PRKCE: variants seen among roughly 807,000 people sequenced by gnomAD.
PRKCE encodes protein kinase C epsilon.
In PRKCE, 16 loss-of-function variants were observed where a neutral mutation model predicts 85.4. The ratio of observed to expected loss-of-function variants is 0.19; its 90% CI spans 0.13 to 0.28. The LOEUF (loss-of-function observed/expected upper bound fraction) is 0.28. Ranked by LOEUF, PRKCE falls within the 10% of genes least tolerant of loss-of-function variation. PRKCE has a pLI of 1.00. For missense variants in PRKCE, 573 were observed against 975.2 expected (o/e 0.59, Z 5.49); for synonymous variants, 388 against 371.5 (o/e 1.04, Z -0.51).
intron 2 of PRKCE, among the ~76,000 whole-genome samples, chr2:45,919,265 A>T (rs1174605721): frequency 6.6e-6 from 1 of 152,124 alleles, no homozygotes; most frequent in Non-Finnish European, 1.5e-5. Context: ...GTGAGTGAGG[A>T]TCACTGTGGA....
At chr2:45,996,308 A>G (rs1704212929) in intron 6 of PRKCE, among the ~76,000 whole-genome samples, 1 of 152,132 alleles carries the variant, frequency 6.6e-6, no homozygotes, top group Admixed American at 6.5e-5. Flanking sequence ...AAACAAAGAT[A>G]GTTTTATAGT....
At chr2:46,168,978 G>T (rs1368520559) in intron 14 of PRKCE, among the ~76,000 whole-genome samples, 1 of 152,194 alleles carries the variant, frequency 6.6e-6, no homozygotes, top group South Asian at 2.1e-4. Flanking sequence ...TCAGAGCCTG[G>T]TTCGTGTGTA....
intron 2 of PRKCE, among the ~76,000 whole-genome samples, chr2:45,965,357 G>A (rs1229150395): frequency 1.3e-5 from 2 of 152,152 alleles, no homozygotes; most frequent in South Asian, 2.1e-4. Flanking sequence ...TAAAAGGCAC[G>A]GCTGCTTTGA....
chr2:46,174,117 C>A (rs886347823), intron 14 of PRKCE, among the ~76,000 whole-genome samples: 2 of 152,204 alleles, frequency 1.3e-5, no homozygotes, highest in Non-Finnish European at 1.5e-5. Context: ...AAGCAACTTT[C>A]CCTCAGAAGT....
intron 1 of PRKCE, among the ~76,000 whole-genome samples, chr2:45,749,285 A>G (rs1020130200): frequency 3.3e-5 from 5 of 152,230 alleles, no homozygotes. Flanking sequence ...AGGCAGAGCA[A>G]AACCTATTTA....
intron 13 of PRKCE, among the ~76,000 whole-genome samples, chr2:46,151,476 T>C (rs540522758): frequency 9.8e-5 from 15 of 152,312 alleles, no homozygotes; most frequent in Admixed American, 8.5e-4. Context: ...CTTGCTCTTC[T>C]GGTGGGAAGA....
At chr2:45,745,482 C>G (rs1239129275) in intron 1 of PRKCE, among the ~76,000 whole-genome samples, 1 of 152,176 alleles carries the variant, frequency 6.6e-6, no homozygotes, top group East Asian at 1.9e-4. Context: ...CTTGGGAGAC[C>G]TGATCTCTAC....
chr2:45,935,124 G>A (rs2104110838), intron 2 of PRKCE, among the ~76,000 whole-genome samples: 1 of 151,978 alleles, frequency 6.6e-6, no homozygotes, highest in Middle Eastern at 3.4e-3. Flanking sequence ...CATAGATAAT[G>A]TTTGTCTGTA....
At chr2:45,662,358 A>G (rs544106972) in intron 1 of PRKCE, among the ~76,000 whole-genome samples, 1 of 152,310 alleles carries the variant, frequency 6.6e-6, no homozygotes, top group South Asian at 2.1e-4. Context: ...TAAAATTACA[A>G]CCGAGAAGCA....
chr2:45,698,494 C>T (rs1678341279), intron 1 of PRKCE, among the ~76,000 whole-genome samples: 1 of 151,718 alleles, frequency 6.6e-6, no homozygotes, highest in Non-Finnish European at 1.5e-5. Flanking sequence ...TGATGTGGAG[C>T]TCCAGTAAAC....
At chr2:45,928,281 T>A (rs1698778349) in intron 2 of PRKCE, among the ~76,000 whole-genome samples, 1 of 152,242 alleles carries the variant, frequency 6.6e-6, no homozygotes, top group Non-Finnish European at 1.5e-5. Flanking sequence ...TTTATACTTC[T>A]TTTTGAGATA....
rs1697004383 is a variant in PRKCE at position 45,906,705 on chromosome 2, C to T, written c.412+63642C>T. Among the ~76,000 whole-genome samples, 8 of 152,214 alleles carry T rather than the reference C, an allele frequency of 5.3e-5. No homozygotes were observed. The South Asian group carries it at 1.7e-3, about 32-fold the overall frequency. Reference sequence around the variant, plus strand: ...CTCATGTGCTCTGTGTGGGAGGCAGCAGGAACCAAGGTCTTGATCTGTTGC... The same window carrying T: ...CTCATGTGCTCTGTGTGGGAGGCAGTAGGAACCAAGGTCTTGATCTGTTGC... On this transcript the variant is annotated intron_variant, in intron 2 of 14. Coordinates refer to ENST00000306156, the MANE Select transcript of PRKCE (RefSeq NM_005400.3).
intron 2 of PRKCE, among the ~76,000 whole-genome samples, chr2:45,879,538 T>A (rs1461152521): frequency 6.6e-6 from 1 of 152,264 alleles, no homozygotes; most frequent in Non-Finnish European, 1.5e-5. Flanking sequence ...GAGCACTGCC[T>A]GTAACACATG....
chr2:45,834,939 A>T (rs1558730409), intron 1 of PRKCE, among the ~76,000 whole-genome samples: 1 of 152,268 alleles, frequency 6.6e-6, no homozygotes. Context: ...TAAATAATTC[A>T]GCAGACTCTC....
chr2:45,801,163 GTT>G (rs1687837533), intron 1 of PRKCE, among the ~76,000 whole-genome samples: 1 of 152,186 alleles, frequency 6.6e-6, no homozygotes, highest in African/African-American at 2.4e-5. Flanking sequence ...GTTGAGAAGA[GTT>G]AGCCACATGT....
chr2:45,687,117 C>A (rs1677356649), intron 1 of PRKCE, among the ~76,000 whole-genome samples: 1 of 151,852 alleles, frequency 6.6e-6, no homozygotes, highest in Non-Finnish European at 1.5e-5. Context: ...AAAAACAAAA[C>A]AAAACAAGCA....
At chr2:45,664,339 CCA>C (rs1449957055) in intron 1 of PRKCE, among the ~76,000 whole-genome samples, 3 of 152,126 alleles carry the variant, frequency 2.0e-5, no homozygotes, top group Non-Finnish European at 4.4e-5. Context: ...CCTATATGTA[CCA>C]GTCTCCTCAT....
chr2:45,742,051 AT>A (rs1364524635), intron 1 of PRKCE, among the ~76,000 whole-genome samples: 1 of 152,228 alleles, frequency 6.6e-6, no homozygotes, highest in East Asian at 1.9e-4. Context: ...ATTCTTGGGA[AT>A]TTCTCGGATA....
At chr2:46,030,716 C>T (rs978916774) in intron 10 of PRKCE, among the ~76,000 whole-genome samples, 3 of 152,176 alleles carry the variant, frequency 2.0e-5, no homozygotes, top group African/African-American at 7.2e-5. Context: ...AATTATGTCC[C>T]AACGAAAAGG....
Sources: gnomAD v4.1 joint callset for allele counts (sites outside exome capture counted in the v4.1 genomes callset) on GRCh38, gnomAD v4.1.1 for gene constraint, MANE v1.5 for transcripts, NCBI Gene and HGNC (gene_info 2026-07-23, HGNC 2026-07-21) for gene names.